Variants in ZNF713 observed in about 807,000 individuals in gnomAD.
The protein encoded by ZNF713 is zinc finger protein 713.
A neutral mutation model predicts 28.7 loss-of-function variants in ZNF713; 21 were observed. That is an observed-to-expected ratio of 0.73 (90% CI 0.52 to 1.05). The LOEUF is 1.05. Among genes scored for constraint, ZNF713 ranks in the 50% least tolerant of loss-of-function variants. The probability of loss-of-function intolerance (pLI) is 0.00; values close to 1 mark genes in which losing one functional copy is unlikely to be tolerated. For synonymous variants in ZNF713, 167 were observed against 178.0 expected (o/e 0.94, Z 0.49); for missense variants, 458 against 532.4 (o/e 0.86, Z 1.37).
intron 6 of ZNF713, among the ~76,000 whole-genome samples, chr7:55,930,304 A>G (rs1264995308): frequency 3.3e-5 from 5 of 152,210 alleles, no homozygotes. Flanking sequence ...GTTTGGCAGT[A>G]TACACCGCTG....
intron 1 of ZNF713, among the ~76,000 whole-genome samples, chr7:55,903,666 T>TAAAAA (rs113130548): frequency 8.8e-6 from 1 of 113,206 alleles, no homozygotes; most frequent in African/African-American, 3.6e-5. Flanking sequence ...GACTGTGTCT[T>TAAAAA]AAAAAAAAAA....
At chr7:55,889,491 A>G (rs1007602225) in intron 1 of ZNF713, among the ~76,000 whole-genome samples, 1 of 152,238 alleles carries the variant, frequency 6.6e-6, no homozygotes, top group Non-Finnish European at 1.5e-5. Flanking sequence ...AGGTTGGAAC[A>G]CTTAGTAGGT....
intron 6 of ZNF713, among the ~76,000 whole-genome samples, chr7:55,938,576 G>T (rs1246318314): frequency 6.6e-6 from 1 of 151,688 alleles, no homozygotes; most frequent in Non-Finnish European, 1.5e-5. Context: ...CAAGTAGCTG[G>T]CATTACAATC....
At chr7:55,929,606 G>C (rs1410617208) in intron 6 of ZNF713, among the ~76,000 whole-genome samples, 7 of 152,116 alleles carry the variant, frequency 4.6e-5, no homozygotes, top group Non-Finnish European at 7.4e-5. Flanking sequence ...AGATCTGGAA[G>C]AGGCTGGGTG....
At chr7:55,888,678 C>T (rs1460732925) in intron 1 of ZNF713, among the ~76,000 whole-genome samples, 2 of 152,122 alleles carry the variant, frequency 1.3e-5, no homozygotes, top group Non-Finnish European at 2.9e-5. Context: ...CGGCGTTCGG[C>T]CAGCTGTTTC....
intron 1 of ZNF713, among the ~76,000 whole-genome samples, chr7:55,899,435 G>GGGGGGGGGTTGATCAGGCCGA (rs1785532540): frequency 2.2e-4 from 1 of 4,448 alleles, no homozygotes; most frequent in Non-Finnish European, 2.2e-3. Context: ...GAGGCCGAGG[G>GGGGGGGGGTTGATCAGGCCGA]GGGGGGGGGG....
At chr7:55,936,608 C>T (rs527422299) in intron 6 of ZNF713, among the ~76,000 whole-genome samples, 1 of 152,164 alleles carries the variant, frequency 6.6e-6, no homozygotes, top group Non-Finnish European at 1.5e-5. Context: ...AATGCTGAAG[C>T]TGACCCACTC....
At chr7:55,925,588 T>C (rs1480377021) in intron 6 of ZNF713, among the ~76,000 whole-genome samples, 1 of 152,060 alleles carries the variant, frequency 6.6e-6, no homozygotes, top group African/African-American at 2.4e-5. Flanking sequence ...ACCACTGCAC[T>C]TCAGCCTGGC....
chr7:55,895,451 C>CTTTT (rs55972416), intron 1 of ZNF713, among the ~76,000 whole-genome samples: 8 of 82,392 alleles, frequency 9.7e-5, no homozygotes, highest in South Asian at 3.8e-4. Flanking sequence ...CTGTTATACT[C>CTTTT]TTTTTTTTTT....
intron 4 of ZNF713, among the ~76,000 whole-genome samples, chr7:55,917,564 T>G (rs898756645): frequency 1.3e-5 from 2 of 150,730 alleles, no homozygotes; most frequent in Middle Eastern, 3.4e-3. Flanking sequence ...GCTGGGGGAC[T>G]AGTGGTGGTG....
At chr7:55,904,817 C>A (rs1391097436) in intron 1 of ZNF713, among the ~76,000 whole-genome samples, 1 of 152,134 alleles carries the variant, frequency 6.6e-6, no homozygotes, top group East Asian at 1.9e-4. Context: ...ATCTCCACCC[C>A]CTCGGCTCAA....
At chr7:55,894,451 T>C (rs1047238257) in intron 1 of ZNF713, among the ~76,000 whole-genome samples, 1 of 152,224 alleles carries the variant, frequency 6.6e-6, no homozygotes, top group Admixed American at 6.5e-5. Context: ...AAAATAAAGC[T>C]AAAATATAAA....
intron 1 of ZNF713, among the ~76,000 whole-genome samples, chr7:55,893,636 G>C (rs1390617687): frequency 6.6e-6 from 1 of 152,156 alleles, no homozygotes; most frequent in Non-Finnish European, 1.5e-5. Flanking sequence ...CTGGAGTACA[G>C]TGTCGCGATC....
At chr7:55,891,517 T>TAAC (rs143006638) in intron 1 of ZNF713, among the ~76,000 whole-genome samples, 43 of 150,778 alleles carry the variant, frequency 2.9e-4, no homozygotes, top group Middle Eastern at 3.4e-3. Context: ...TGGTCGCTAA[T>TAAC]AACAACAACA....
chr7:55,941,246 A>C lies in ZNF713; in HGVS notation c.*1240A>C, dbSNP rs1786465527. 1 of 151,800 alleles carries C rather than the reference A, an allele frequency of 6.6e-6. No individual in the cohort carries two copies. The highest frequency in any genetic ancestry group is 2.4e-5 in the African/African-American group (1 of 41,410). 9.4% of individuals were successfully genotyped at this position (151,800 alleles called of 1,614,324 possible). ...CGAGGTGGGGTGATCATCTGAGGCC[A>C]GGAGTTTGAGACCAGCCTGGCCAAC... On this transcript the variant is annotated 3_prime_UTR_variant, in exon 7 of 7. Transcript: ENST00000429591.
At chr7:55,905,652 G>T (rs928892670) in intron 1 of ZNF713, among the ~76,000 whole-genome samples, 1 of 151,918 alleles carries the variant, frequency 6.6e-6, no homozygotes, top group African/African-American at 2.4e-5. Context: ...ATTGCAGGGC[G>T]CACATGTTTA....
At chr7:55,898,976 G>C (rs1160091837) in intron 1 of ZNF713, among the ~76,000 whole-genome samples, 1 of 152,168 alleles carries the variant, frequency 6.6e-6, no homozygotes, top group African/African-American at 2.4e-5. Flanking sequence ...TGGTGAGAGT[G>C]TGGAGAAAAG....
intron 6 of ZNF713, chr7:55,924,017 C>T (rs1786047920): frequency 5.9e-6 from 1 of 170,344 alleles, no homozygotes. Flanking sequence ...TTTTTATTTA[C>T]ACATCCCTTA....
At position 55,931,769 on chromosome 7, in the gene ZNF713, G is replaced by C. The variant is rs190771447; in HGVS notation, c.308-7213G>C. On this transcript the variant is annotated intron_variant, in intron 6 of 6. Transcript: ENST00000429591. ...TTGGCAAGGCATGCCCTGGTGCGGA[G>C]GCCCTGCAAGATGTTCTTCAGGTTG... Among the ~76,000 whole-genome samples, 26 of 152,328 alleles carry C rather than the reference G, an allele frequency of 1.7e-4. No homozygotes were observed. The East Asian group carries it at 4.8e-3, about 28-fold the overall frequency.
Sources: gnomAD v4.1 joint callset for allele counts (sites outside exome capture counted in the v4.1 genomes callset) on GRCh38, gnomAD v4.1.1 for gene constraint, MANE v1.5 for transcripts, NCBI Gene and HGNC (gene_info 2026-07-23, HGNC 2026-07-21) for gene names.